The following ZNF705G variants were observed in gnomAD, a reference collection of about 807,000 sequenced individuals.
ZNF705G encodes the protein putative zinc finger protein 705G.
A neutral mutation model predicts 19.6 loss-of-function variants in ZNF705G; 23 were observed. The observed-to-expected ratio is 1.17, with a 90% CI of 0.84 to 1.66. The LOEUF (loss-of-function observed/expected upper bound fraction) is 1.66, where lower values mean the gene tolerates loss of function less well. Among genes scored for constraint, ZNF705G ranks in the 40% most tolerant of loss-of-function variants. The pLI is 0.00. For missense variants in ZNF705G, 457 were observed against 354.4 expected (o/e 1.29, Z -2.32); for synonymous variants, 146 against 117.7 (o/e 1.24, Z -1.56).
intron 2 of ZNF705G, among the ~76,000 whole-genome samples, chr8:7,380,196 C>T: frequency 7.0e-6 from 1 of 143,066 alleles, no homozygotes. Flanking sequence ...AGGAGCAGGG[C>T]CACTGCACAC....
intron 2 of ZNF705G, among the ~76,000 whole-genome samples, chr8:7,366,893 C>T (rs904812687): frequency 1.3e-5 from 2 of 149,620 alleles, no homozygotes; most frequent in Non-Finnish European, 2.9e-5. Flanking sequence ...AACTACCACA[C>T]ATATGTAGTT....
intron 1 of ZNF705G, among the ~76,000 whole-genome samples, chr8:7,384,428 A>G (rs1288965157): frequency 6.9e-6 from 1 of 145,666 alleles, no homozygotes. Context: ...GACATTTCTC[A>G]AAAAAAGACA....
intron 2 of ZNF705G, among the ~76,000 whole-genome samples, chr8:7,366,101 A>T (rs1806842888): frequency 6.7e-6 from 1 of 149,236 alleles, no homozygotes; most frequent in African/African-American, 2.6e-5. Flanking sequence ...AAGAGAATAG[A>T]TTTTTTTAAA....
Position 7,358,590 on chromosome 8 carries a change from G to T in ZNF705G, c.319-30C>A, listed in dbSNP as rs542872770. 8 of 1,606,134 alleles carry T rather than the reference G, an allele frequency of 5.0e-6. No homozygotes were observed. In the South Asian group the frequency reaches 6.6e-5, roughly 13 times the overall value. Reference sequence around the variant, plus strand: ...GGGGCAAATATTAAAAGCTCTTAATGGTTTACCCACATATATCTATACATT... The same window carrying T: ...GGGGCAAATATTAAAAGCTCTTAATTGTTTACCCACATATATCTATACATT... On this transcript the variant is annotated intron_variant, in intron 6 of 6. Transcript: ENST00000400156.
intron 2 of ZNF705G, among the ~76,000 whole-genome samples, chr8:7,376,688 A>G (rs1312210419): frequency 6.7e-6 from 1 of 150,116 alleles, no homozygotes; most frequent in Non-Finnish European, 1.5e-5. Context: ...TGCCAGAGAT[A>G]TGAGTAGTGA....
chr8:7,379,486 C>A (rs1331046160), intron 2 of ZNF705G, among the ~76,000 whole-genome samples: 13 of 145,962 alleles, frequency 8.9e-5, no homozygotes, highest in Admixed American at 6.6e-5. Context: ...CTGTGTCCTC[C>A]CAAAGAAAGA....
chr8:7,371,010 C>T (rs970347383), intron 2 of ZNF705G, among the ~76,000 whole-genome samples: 7 of 131,442 alleles, frequency 5.3e-5, no homozygotes, highest in Admixed American at 8.0e-5. Context: ...GGGAGCAGAA[C>T]GGTGAGAACA....
chr8:7,376,880 A>AGTGTGT lies in ZNF705G; in HGVS notation c.-72+4566_-72+4571dup, dbSNP rs71264895. Among the ~76,000 whole-genome samples, 244 of 145,230 alleles carry AGTGTGT rather than the reference A, an allele frequency of 1.7e-3. 6 individuals carry two copies. Among genetic ancestry groups the AGTGTGT allele is most frequent in the African/African-American group, 5.1e-3 (187 of 36,572 alleles). The stretch of plus-strand genomic sequence containing the variant: ...CTATTATAATCTATCATATAGAGAG[A>AGTGTGT]GTGTGTGTGTGTGTGTAGGAATAAA... On this transcript the variant is annotated intron_variant, in intron 2 of 6. Transcript: ENST00000400156.
rs1388884720 is a variant in ZNF705G, at chr8:7,377,975, AAAAG to A, written c.-72+3473_-72+3476del. Among the ~76,000 whole-genome samples, 735 of 140,306 alleles carry A rather than the reference AAAAG, an allele frequency of 5.2e-3. 12 individuals carry two copies. Among genetic ancestry groups the A allele is most frequent in the African/African-American group, 0.019 (643 of 33,080 alleles). 92.0% of individuals were successfully genotyped at this position (140,306 alleles called of 152,430 possible). ...TCTCAAAAAAAAAAAAAAAAAAAAA[AAAAG>A]TTTATATTACATGTTATGACTTGAT... On this transcript the variant is annotated intron_variant, in intron 2 of 6. Coordinates refer to ENST00000400156, the MANE Select transcript of ZNF705G (RefSeq NM_001164457.3).
chr8:7,385,534 G>T lies in ZNF705G; in HGVS notation c.-258C>A, dbSNP rs1234577979. 6.8e-6 allele frequency: 1 copy of T among 148,106 alleles called. No individual in the cohort carries two copies. Among genetic ancestry groups the T allele is most frequent in the Non-Finnish European group, 1.5e-5 (1 of 67,930 alleles). The allele number at this position is 148,106 out of a possible 1,614,324, so 9.2% of individuals were successfully genotyped here. A position where few individuals can be genotyped will look rare whatever the true frequency, so the allele number is the denominator to read the frequency against. On this transcript the variant is annotated 5_prime_UTR_variant, in exon 1 of 7. Transcript: ENST00000400156. ...TTCCTCCACCCTCCACAGGCTGTGTGCTGTATGTCCCTTGGGACAAGGACA... is the reference window on the plus strand; with the variant it reads ...TTCCTCCACCCTCCACAGGCTGTGTTCTGTATGTCCCTTGGGACAAGGACA...
rs1346073376 is a variant in ZNF705G at position 7,359,634 on chromosome 8, G to T, written c.303C>A (p.Ser101=). 3 of 1,606,548 alleles carry T rather than the reference G, an allele frequency of 1.9e-6. No homozygotes were observed. The highest frequency in any genetic ancestry group is 2.5e-6 in the Non-Finnish European group (3 of 1,179,274). The part of the protein sequence containing the change: ...SMHPITRKDA[S]TSMTMENSLI... ...TAAAACTTACCATTGTCATACTGGT[G>T]GATGCGTCTTTTCTGGTGATAGGAT... Residue 101 remains serine, a synonymous_variant, in exon 6 of 7, where the codon TCC becomes TCA. Coordinates refer to ENST00000400156, the MANE Select transcript of ZNF705G (RefSeq NM_001164457.3).
chr8:7,361,965 C>T (rs57656557), intron 3 of ZNF705G, among the ~76,000 whole-genome samples: 1,588 of 149,586 alleles, frequency 0.011, 188 homozygotes, highest in African/African-American at 0.038. Flanking sequence ...AAGACAAGAC[C>T]GCTGAGGCTG....
At chr8:7,359,239 TCTC>T (rs1384922404) in intron 6 of ZNF705G, among the ~76,000 whole-genome samples, 2 of 149,690 alleles carry the variant, frequency 1.3e-5, no homozygotes, top group Non-Finnish European at 2.9e-5. Flanking sequence ...GGCAAATAAA[TCTC>T]CTAAAATGAT....
At position 7,357,383 on chromosome 8, in the gene ZNF705G, G is replaced by A. The variant is rs375501922; in HGVS notation, c.*593C>T. On this transcript the variant is annotated 3_prime_UTR_variant, in exon 7 of 7. Transcript: ENST00000400156. ...GTCACTCTTCTCTTGTGAACATCAA[G>A]CCTGGTGCTTGGCTGAATGTTCATT... 23 of 158,100 alleles carry A rather than the reference G, an allele frequency of 1.5e-4. 3 individuals carry two copies. Among genetic ancestry groups the A allele is most frequent in the African/African-American group, 5.6e-4 (22 of 39,314 alleles). The allele number at this position is 158,100 out of a possible 1,614,324, so 9.8% of individuals were successfully genotyped here. A position where few individuals can be genotyped will look rare whatever the true frequency, so the allele number is the denominator to read the frequency against.
In ZNF705G at chr8:7,361,016, G is replaced by T. The variant is rs1806561321; in HGVS notation, c.139+94C>A. On this transcript the variant is annotated intron_variant, in intron 4 of 6. Coordinates refer to ENST00000400156, the MANE Select transcript of ZNF705G (RefSeq NM_001164457.3). ...AGATCTGTGAGAGAATCAGAGAAGA[G>T]ATTAGAGTGAGATATGGGGAAGCTG... is the stretch of plus-strand genomic sequence containing the variant. The T allele has an allele frequency of 2.5e-6, 4 of 1,584,946 alleles. No homozygotes were observed. In the East Asian group the frequency reaches 8.9e-5, roughly 35 times the overall value.
At chr8:7,378,739 T>C (rs1585428255) in intron 2 of ZNF705G, among the ~76,000 whole-genome samples, 1 of 143,704 alleles carries the variant, frequency 7.0e-6, no homozygotes, top group Non-Finnish European at 1.5e-5. Flanking sequence ...TCTGAATTCA[T>C]CTTCTCCCCA....
At chr8:7,359,545 G>T (rs1478179729) in intron 6 of ZNF705G, 74 bp downstream of exon 6, 77 of 1,587,464 alleles carry the variant, frequency 4.9e-5, no homozygotes, top group Non-Finnish European at 6.3e-5. Flanking sequence ...TCAGGTGATT[G>T]TGCTTCATTA....
At position 7,368,464 on chromosome 8, in the gene ZNF705G, A is replaced by T. The variant is rs771602124; in HGVS notation, c.-71-5447T>A. Among the ~76,000 whole-genome samples, 78 of 149,626 alleles carry T rather than the reference A, an allele frequency of 5.2e-4. 2 individuals carry two copies. Among genetic ancestry groups the T allele is most frequent in the Non-Finnish European group, 9.0e-4 (61 of 68,022 alleles). On this transcript the variant is annotated intron_variant, in intron 2 of 6. Coordinates refer to ENST00000400156, the MANE Select transcript of ZNF705G (RefSeq NM_001164457.3). Reference sequence around the variant, plus strand: ...GGACTTGAAAACAAATGGAAGGCGAATAGATATAAAAAGTTTCAATGTTCA... The same window carrying T: ...GGACTTGAAAACAAATGGAAGGCGATTAGATATAAAAAGTTTCAATGTTCA...
intron 2 of ZNF705G, among the ~76,000 whole-genome samples, chr8:7,379,138 G>T (rs1375723966): frequency 1.3e-5 from 2 of 149,668 alleles, no homozygotes; most frequent in South Asian, 2.1e-4. Flanking sequence ...ATGTTAGCTG[G>T]ATTTTATTTT....
Sources: gnomAD v4.1 joint callset for allele counts (sites outside exome capture counted in the v4.1 genomes callset) on GRCh38, gnomAD v4.1.1 for gene constraint, MANE v1.5 for transcripts, NCBI Gene and HGNC (gene_info 2026-07-23, HGNC 2026-07-21) for gene names.